The following FSTL4 variants were observed in gnomAD, a reference collection of about 807,000 sequenced individuals.
FSTL4 encodes the protein follistatin like 4, also known as follistatin-related protein 4.
In FSTL4, 28 loss-of-function variants were observed where a neutral mutation model predicts 78.2. The ratio of observed to expected loss-of-function variants is 0.36; its 90% CI spans 0.27 to 0.49. FSTL4 has a LOEUF of 0.49. FSTL4 is among the 20% of genes least tolerant of loss of function. FSTL4 has a pLI of 0.98. For missense variants in FSTL4, 922 were observed against 1,084.9 expected, an observed-to-expected ratio of 0.85 and a Z score of 2.11; for synonymous variants, 422 against 440.5, an observed-to-expected ratio of 0.96 and a Z score of 0.53.
the FSTL4 span, among the ~76,000 whole-genome samples, chr5:133,665,478 G>A: frequency 6.6e-6 from 1 of 152,188 alleles, no homozygotes; most frequent in Non-Finnish European, 1.5e-5. Context: ...TAACACAGAA[G>A]TAAGGGAGCA....
intron 2 of FSTL4, among the ~76,000 whole-genome samples, chr5:133,591,795 GT>G (rs1293584212): frequency 2.0e-5 from 3 of 152,150 alleles, no homozygotes; most frequent in African/African-American, 7.2e-5. Flanking sequence ...AAGGGAGACA[GT>G]GTGGCTCAGA....
intron 6 of FSTL4, among the ~76,000 whole-genome samples, chr5:133,286,784 A>G (rs1753139756): frequency 2.6e-5 from 4 of 152,166 alleles, no homozygotes; most frequent in Admixed American, 2.6e-4. Context: ...TTTGGAAACA[A>G]TTTTGTTTCT....
the FSTL4 span, chr5:133,720,843 GT>G: frequency 1.3e-5 from 2 of 152,556 alleles, no homozygotes; most frequent in Non-Finnish European, 2.9e-5. Context: ...TTTAATGTAA[GT>G]TTTTTATACT....
intron 4 of FSTL4, among the ~76,000 whole-genome samples, chr5:133,358,591 C>CTTTTTTT (rs1173835923): frequency 2.3e-4 from 26 of 115,398 alleles, no homozygotes; most frequent in East Asian, 2.8e-4. Context: ...GGTTCTATTT[C>CTTTTTTT]TTTTTTTTTT....
chr5:133,798,742 A>T, the FSTL4 span, among the ~76,000 whole-genome samples: 1 of 151,990 alleles, frequency 6.6e-6, no homozygotes, highest in Admixed American at 6.6e-5. Context: ...GTCCCCGCTC[A>T]GTTCTGTGGG....
At chr5:133,822,965 C>T in the FSTL4 span, among the ~76,000 whole-genome samples, 7,218 of 152,192 alleles carry the variant, frequency 0.047, 281 homozygotes, top group East Asian at 0.1. Flanking sequence ...AGTCTCTCTG[C>T]CCTGGAGTAG....
intron 7 of FSTL4, among the ~76,000 whole-genome samples, chr5:133,239,078 C>T (rs116744185): frequency 0.16 from 24,198 of 152,154 alleles, 2,384 homozygotes; most frequent in East Asian, 0.48. Context: ...GCCCCGCACT[C>T]GGAGTGGCTG....
At chr5:133,204,166 C>G (rs1358348131) in intron 14 of FSTL4, among the ~76,000 whole-genome samples, 1 of 152,122 alleles carries the variant, frequency 6.6e-6, no homozygotes, top group Non-Finnish European at 1.5e-5. Flanking sequence ...AACATGGTAT[C>G]CAGAGGACAG....
At chr5:133,840,991 G>C in the FSTL4 span, among the ~76,000 whole-genome samples, 1 of 152,260 alleles carries the variant, frequency 6.6e-6, no homozygotes. Context: ...ACCTCCTCAT[G>C]CCCACAAGGC....
chr5:133,729,050 C>G, the FSTL4 span, among the ~76,000 whole-genome samples: 1 of 152,064 alleles, frequency 6.6e-6, no homozygotes, highest in African/African-American at 2.4e-5. Flanking sequence ...GAGACAGTGT[C>G]TGATAGGCCC....
At chr5:133,466,331 A>G (rs537662576) in intron 3 of FSTL4, among the ~76,000 whole-genome samples, 226 of 152,316 alleles carry the variant, frequency 1.5e-3, no homozygotes, top group African/African-American at 5.2e-3. Flanking sequence ...TCATGGGGTC[A>G]GGAGATCGAG....
intron 4 of FSTL4, among the ~76,000 whole-genome samples, chr5:133,357,430 A>G (rs772007054): frequency 3.3e-5 from 5 of 152,146 alleles, no homozygotes; most frequent in Non-Finnish European, 7.4e-5. Flanking sequence ...ATAGATATTC[A>G]TACAAACAAC....
At chr5:133,634,953 G>A in the FSTL4 span, among the ~76,000 whole-genome samples, 3 of 151,880 alleles carry the variant, frequency 2.0e-5, no homozygotes, top group East Asian at 5.8e-4. Context: ...TAAATATATT[G>A]TTTTTAAAAC....
At chr5:133,292,152 C>G (rs1361670911) in intron 6 of FSTL4, among the ~76,000 whole-genome samples, 1 of 152,166 alleles carries the variant, frequency 6.6e-6, no homozygotes, top group Non-Finnish European at 1.5e-5. Flanking sequence ...CTTCCCGAGC[C>G]TGGGTCAACT....
intron 4 of FSTL4, among the ~76,000 whole-genome samples, chr5:133,397,942 T>C (rs947281249): frequency 3.9e-5 from 6 of 152,192 alleles, no homozygotes; most frequent in African/African-American, 1.4e-4. Flanking sequence ...TTGGGACAAA[T>C]GACAAACTGT....
the FSTL4 span, among the ~76,000 whole-genome samples, chr5:133,658,006 G>C: frequency 6.6e-6 from 1 of 151,594 alleles, no homozygotes; most frequent in Non-Finnish European, 1.5e-5. Flanking sequence ...AATATGAATA[G>C]GTGTTGAACT....
chr5:133,701,610 G>C, the FSTL4 span, among the ~76,000 whole-genome samples: 1 of 151,900 alleles, frequency 6.6e-6, no homozygotes, highest in Non-Finnish European at 1.5e-5. Context: ...ATCTGTTACT[G>C]TTCATCGCTG....
the FSTL4 span, among the ~76,000 whole-genome samples, chr5:133,706,085 G>A: frequency 1.3e-5 from 2 of 152,192 alleles, no homozygotes; most frequent in African/African-American, 4.8e-5. Context: ...CACCGTAATA[G>A]GAAGGAGGTG....
At chr5:133,467,127 GGT>G (rs774667496) in intron 3 of FSTL4, among the ~76,000 whole-genome samples, 62 of 150,506 alleles carry the variant, frequency 4.1e-4, no homozygotes, top group East Asian at 1.4e-3. Context: ...TATGTATGTG[GGT>G]GTGTGTGTGT....
Sources: allele counts gnomAD v4.1 joint callset (sites outside exome capture counted in the v4.1 genomes callset), GRCh38; gene constraint gnomAD v4.1.1; transcripts MANE v1.5; gene names NCBI Gene and HGNC (gene_info 2026-07-23, HGNC 2026-07-21).